DOCK8: variants seen among roughly 807,000 people sequenced by gnomAD.
The protein encoded by DOCK8 is dedicator of cytokinesis 8, also known as dedicator of cytokinesis protein 8.
A neutral mutation model predicts 245.6 loss-of-function variants in DOCK8; 141 were observed. The ratio of observed to expected loss-of-function variants is 0.57; its 90% confidence interval spans 0.50 to 0.66. The LOEUF (loss-of-function observed/expected upper bound fraction) is 0.66. Among genes scored for constraint, DOCK8 ranks in the 30% least tolerant of loss-of-function variants. The pLI is 0.00. For synonymous variants in DOCK8, 1,168 were observed against 970.2 expected, an observed-to-expected ratio of 1.20 and a Z score of -3.79; for missense variants, 2,965 against 2,603.4, an observed-to-expected ratio of 1.14 and a Z score of -3.02.
intron 6 of DOCK8, chr9:314,308 C>A (rs574318142): frequency 1.6e-4 from 25 of 152,284 alleles, no homozygotes; most frequent in African/African-American, 5.1e-4. Context: ...GATGGAGATG[C>A]CAACATGTAA....
intron 14 of DOCK8, among the ~76,000 whole-genome samples, chr9:352,237 A>T (rs1398297670): frequency 6.6e-6 from 1 of 152,136 alleles, no homozygotes; most frequent in African/African-American, 2.4e-5. Context: ...AAGGTCACTG[A>T]TTGTTACAGG....
Position 386,772 on chromosome 9 carries a change from C to A in DOCK8, c.2874+346C>A, listed in dbSNP as rs150685401. On this transcript the variant is annotated intron_variant, in intron 23 of 47. Transcript: ENST00000432829. ...TAACAAGTTCCCAGCTGATGCTGGTCCAGGGACCACATTTTGAGAACCACT... is the reference window on the plus strand; with the variant it reads ...TAACAAGTTCCCAGCTGATGCTGGTACAGGGACCACATTTTGAGAACCACT... 6.3e-3 allele frequency among the ~76,000 whole-genome samples: 963 copies of A among 152,304 alleles called. 10 individuals are homozygous for A. Among genetic ancestry groups the A allele is most frequent in the African/African-American group, 0.022 (912 of 41,542 alleles).
chr9:400,094 TCACCACCACCACCTCCAC>T lies in DOCK8; in HGVS notation c.3234+844_3234+861del, dbSNP rs1375691459. Among the ~76,000 whole-genome samples, 2 of 20,970 alleles carry T rather than the reference TCACCACCACCACCTCCAC, an allele frequency of 9.5e-5. 1 individual carries two copies. Among genetic ancestry groups the T allele is most frequent in the Non-Finnish European group, 1.6e-4 (2 of 12,310 alleles). The allele number at this position is 20,970 out of a possible 152,430, so 13.8% of individuals were successfully genotyped here. A position where few individuals can be genotyped will look rare whatever the true frequency, so the allele number is the denominator to read the frequency against. ...ATCACCATCACCACCACCTCCACCA[TCACCACCACCACCTCCAC>T]CACCACCAGCATCTTCACCATCACC... On this transcript the variant is annotated intron_variant, in intron 26 of 47. Transcript: ENST00000432829.
chr9:243,917 G>T (rs2047439616), intron 1 of DOCK8, among the ~76,000 whole-genome samples: 2 of 152,032 alleles, frequency 1.3e-5, no homozygotes, highest in African/African-American at 4.8e-5. Context: ...GGGCGCGGTG[G>T]CTCATGCCTG....
intron 28 of DOCK8, among the ~76,000 whole-genome samples, chr9:410,638 A>G (rs899648860): frequency 1.3e-5 from 2 of 152,264 alleles, no homozygotes; most frequent in African/African-American, 2.4e-5. Flanking sequence ...GGTCTTAACA[A>G]AATGTCAAAA....
chr9:387,368 G>A lies in DOCK8; in HGVS notation c.2874+942G>A, dbSNP rs527702217. On this transcript the variant is annotated intron_variant, in intron 23 of 47. Coordinates refer to ENST00000432829, the MANE Select transcript of DOCK8 (RefSeq NM_203447.4). Reference sequence around the variant, plus strand: ...TGAGGCAGGAGAATCACTTGAACACGGGAGGCAGAGGCTGCAGTGAGCTGA... The same window carrying A: ...TGAGGCAGGAGAATCACTTGAACACAGGAGGCAGAGGCTGCAGTGAGCTGA... 4.0e-3 allele frequency among the ~76,000 whole-genome samples: 610 copies of A among 151,874 alleles called. 3 individuals carry two copies. The highest frequency in any genetic ancestry group is 0.014 in the African/African-American group (587 of 41,366).
intron 5 of DOCK8, among the ~76,000 whole-genome samples, chr9:308,010 C>G (rs775490921): frequency 6.6e-6 from 1 of 152,042 alleles, no homozygotes; most frequent in African/African-American, 2.4e-5. Context: ...ATAAGTTGAT[C>G]TCATAGAAGT....
chr9:264,148 G>T (rs1396109609), intron 1 of DOCK8, among the ~76,000 whole-genome samples: 1 of 152,172 alleles, frequency 6.6e-6, no homozygotes, highest in African/African-American at 2.4e-5. Flanking sequence ...ATGGTTACAG[G>T]TGTTCTTTTA....
intron 28 of DOCK8, among the ~76,000 whole-genome samples, chr9:408,376 A>G (rs2055539986): frequency 6.6e-6 from 1 of 152,164 alleles, no homozygotes; most frequent in African/African-American, 2.4e-5. Flanking sequence ...TTTAGCTCTC[A>G]ATTCTGCCTC....
At chr9:442,051 CA>C (rs1194782817) in intron 42 of DOCK8, 42 bp downstream of exon 42, 2 of 1,611,662 alleles carry the variant, frequency 1.2e-6, no homozygotes, top group South Asian at 1.1e-5. Context: ...GTACACTTTA[CA>C]AAAACAAGTT....
At chr9:290,572 T>C (rs531659311) in intron 4 of DOCK8, among the ~76,000 whole-genome samples, 2 of 152,350 alleles carry the variant, frequency 1.3e-5, no homozygotes, top group East Asian at 1.9e-4. Context: ...TTCTGTGACA[T>C]TGTTCTGAGC....
Position 414,840 on chromosome 9 carries a change from G to A in DOCK8, c.3589G>A (p.Asp1197Asn). Residue 1197 changes from aspartate (D) to asparagine (N), a missense_variant, in exon 29 of 48, where the codon GAC becomes AAC. Physicochemically the swap from Asp to Asn is conservative, Grantham distance 23. Transcript: ENST00000432829. ...SAIHSLLSSH[D>N]LDPRCVKPEV... ...AATTCACAGCCTGCTAAGTTCTCAC[G>A]ACCTGGACCCACGCTGTGTCAAACC... The A allele has an allele frequency of 3.7e-6, 6 of 1,614,144 alleles. No individual in the cohort carries two copies. Among genetic ancestry groups the A allele is most frequent in the Non-Finnish European group, 4.2e-6 (5 of 1,180,024 alleles).
chr9:368,660 C>CATATATATAT (rs35818030), intron 15 of DOCK8: 26 of 153,362 alleles, frequency 1.7e-4, no homozygotes, highest in African/African-American at 6.5e-4. Flanking sequence ...TCAAATTATT[C>CATATATATAT]ATATATATAT....
chr9:217,077 C>G (rs1265580399), intron 1 of DOCK8, among the ~76,000 whole-genome samples: 5 of 152,078 alleles, frequency 3.3e-5, no homozygotes, highest in Admixed American at 2.6e-4. Flanking sequence ...TCCGAATTGC[C>G]AAGTGCTGGA....
chr9:420,749 G>A (rs1250578963), intron 31 of DOCK8, among the ~76,000 whole-genome samples, 166 bp downstream of exon 31: 1 of 152,106 alleles, frequency 6.6e-6, no homozygotes, highest in Non-Finnish European at 1.5e-5. Flanking sequence ...CATTTCACAG[G>A]GAAAGGATCT....
chr9:239,126 C>G (rs1020584272), intron 1 of DOCK8, among the ~76,000 whole-genome samples: 3 of 152,196 alleles, frequency 2.0e-5, no homozygotes, highest in African/African-American at 4.8e-5. Flanking sequence ...AACTAAATGA[C>G]TTTGAATGAA....
chr9:226,486 A>G (rs187740378), intron 1 of DOCK8, among the ~76,000 whole-genome samples: 1 of 152,250 alleles, frequency 6.6e-6, no homozygotes, highest in East Asian at 1.9e-4. Context: ...ACCAGCTGGG[A>G]GGCAGTGGAG....
chr9:245,194 T>C (rs566254939), intron 1 of DOCK8, among the ~76,000 whole-genome samples: 3 of 152,208 alleles, frequency 2.0e-5, no homozygotes, highest in Admixed American at 2.0e-4. Context: ...ATATTTTCTT[T>C]TATTTATTTA....
At chr9:410,852 A>C (rs2055688258) in intron 28 of DOCK8, among the ~76,000 whole-genome samples, 1 of 152,210 alleles carries the variant, frequency 6.6e-6, no homozygotes, top group African/African-American at 2.4e-5. Context: ...AAGGAAGAAG[A>C]CTCAATTACT....
Sources: gnomAD v4.1 joint callset for allele counts (sites outside exome capture counted in the v4.1 genomes callset) on GRCh38, gnomAD v4.1.1 for gene constraint, MANE v1.5 for transcripts, NCBI Gene and HGNC (gene_info 2026-07-23, HGNC 2026-07-21) for gene names.